LHFPL3: variants seen among roughly 807,000 people sequenced by gnomAD.
LHFPL3 encodes LHFPL tetraspan subfamily member 3.
In LHFPL3, 5 loss-of-function variants were observed where a neutral mutation model predicts 19.3. The ratio of observed to expected loss-of-function variants is 0.26; its 90% confidence interval spans 0.14 to 0.54. LHFPL3 has a LOEUF of 0.54. Ranked by LOEUF, LHFPL3 falls within the 20% of genes least tolerant of loss-of-function variation. The probability of loss-of-function intolerance (pLI) is 0.94; values close to 1 mark genes in which losing one functional copy is unlikely to be tolerated. For missense variants in LHFPL3, 249 were observed against 307.4 expected (o/e 0.81, Z 1.42); for synonymous variants, 133 against 126.2 (o/e 1.05, Z -0.36).
chr7:104,902,898 T>TG (rs2116733119), intron 2 of LHFPL3, among the ~76,000 whole-genome samples: 1 of 152,322 alleles, frequency 6.6e-6, no homozygotes, highest in African/African-American at 2.4e-5. Context: ...TGTTGATGAA[T>TG]GACCTGTTAG....
intron 1 of LHFPL3, among the ~76,000 whole-genome samples, chr7:104,477,148 C>G (rs1391620088): frequency 6.6e-6 from 1 of 152,192 alleles, no homozygotes; most frequent in South Asian, 2.1e-4. Context: ...TGCCACCATG[C>G]CCAGCTATAT....
At chr7:104,548,208 C>T (rs1794606039) in intron 1 of LHFPL3, among the ~76,000 whole-genome samples, 1 of 152,074 alleles carries the variant, frequency 6.6e-6, no homozygotes, top group African/African-American at 2.4e-5. Flanking sequence ...ATGCAGTTTT[C>T]CTCTCTGTCT....
At chr7:104,458,935 T>C (rs1003404565) in intron 1 of LHFPL3, among the ~76,000 whole-genome samples, 8 of 152,176 alleles carry the variant, frequency 5.3e-5, no homozygotes, top group African/African-American at 1.4e-4. Flanking sequence ...GCAATAGTGG[T>C]AACAGCACTG....
At chr7:104,788,369 C>G (rs2116440484) in intron 2 of LHFPL3, among the ~76,000 whole-genome samples, 1 of 152,348 alleles carries the variant, frequency 6.6e-6, no homozygotes, top group Middle Eastern at 3.4e-3. Context: ...GCGACAGCCT[C>G]TCAGACTGAC....
At chr7:104,418,224 T>G (rs544027533) in intron 1 of LHFPL3, among the ~76,000 whole-genome samples, 1 of 152,232 alleles carries the variant, frequency 6.6e-6, no homozygotes, top group Non-Finnish European at 1.5e-5. Flanking sequence ...AAATCAAAAC[T>G]TTATTTACTC....
intron 2 of LHFPL3, among the ~76,000 whole-genome samples, chr7:104,858,766 C>G (rs1791557641): frequency 6.6e-6 from 1 of 152,128 alleles, no homozygotes; most frequent in African/African-American, 2.4e-5. Flanking sequence ...TAATCCCCTC[C>G]CCTTGGGTCC....
rs79034378 is a variant in LHFPL3, at chr7:104,828,040, C to T, written c.683-78147C>T. Among the ~76,000 whole-genome samples, 1,172 of 152,068 alleles carry T rather than the reference C, an allele frequency of 7.7e-3. 31 individuals carry two copies. The highest frequency in any genetic ancestry group is 0.027 in the African/African-American group (1,113 of 41,318). ...TTCTTCTGTGGACTAGACCCCTCTT[C>T]GGCTCTGGCTGTCATAATGATAACA... On this transcript the variant is annotated intron_variant, in intron 2 of 2. Coordinates refer to ENST00000424859, the MANE Select transcript of LHFPL3 (RefSeq NM_199000.3).
At chr7:104,824,824 T>A in intron 2 of LHFPL3, among the ~76,000 whole-genome samples, 1 of 127,162 alleles carries the variant, frequency 7.9e-6, no homozygotes, top group African/African-American at 3.1e-5. Flanking sequence ...AATGATATAT[T>A]ATATAATTAT....
intron 1 of LHFPL3, among the ~76,000 whole-genome samples, chr7:104,398,501 GA>G (rs1389936621): frequency 6.6e-6 from 1 of 152,194 alleles, no homozygotes; most frequent in Non-Finnish European, 1.5e-5. Flanking sequence ...GGGCATCTGA[GA>G]AACTGTTCCA....
chr7:104,805,139 G>A (rs952714253), intron 2 of LHFPL3, among the ~76,000 whole-genome samples: 2 of 152,168 alleles, frequency 1.3e-5, no homozygotes, highest in South Asian at 2.1e-4. Context: ...TCACTTCTCC[G>A]TGTGCTGACT....
intron 2 of LHFPL3, among the ~76,000 whole-genome samples, chr7:104,742,054 T>G (rs1170580490): frequency 6.6e-6 from 1 of 152,216 alleles, no homozygotes; most frequent in Non-Finnish European, 1.5e-5. Context: ...TTGCATATTT[T>G]AACACACTGA....
chr7:104,594,394 G>T (rs1171771771), intron 1 of LHFPL3, among the ~76,000 whole-genome samples: 1 of 152,176 alleles, frequency 6.6e-6, no homozygotes, highest in Non-Finnish European at 1.5e-5. Context: ...TAGGGTTTCT[G>T]CTGAGAGATC....
In LHFPL3 at chr7:104,645,059, G is replaced by T. The variant is rs554044599; in HGVS notation, c.446-91616G>T. ...ACATAACCAAGAGGCAGCCATTCAG[G>T]TTTTTCCATTGAATTTTATGCATGA... On this transcript the variant is annotated intron_variant, in intron 1 of 2. Coordinates refer to ENST00000424859, the MANE Select transcript of LHFPL3 (RefSeq NM_199000.3). Among the ~76,000 whole-genome samples, 10 of 152,250 alleles carry T rather than the reference G, an allele frequency of 6.6e-5. No homozygotes were observed. The East Asian group carries it at 1.9e-3, about 29-fold the overall frequency.
chr7:104,528,011 T>A (rs1365532819), intron 1 of LHFPL3, among the ~76,000 whole-genome samples: 1 of 152,174 alleles, frequency 6.6e-6, no homozygotes, highest in Non-Finnish European at 1.5e-5. Flanking sequence ...TCTATCTTCC[T>A]CCATCTCTTG....
intron 1 of LHFPL3, among the ~76,000 whole-genome samples, chr7:104,686,500 C>A (rs1166241140): frequency 6.6e-6 from 1 of 152,212 alleles, no homozygotes; most frequent in Non-Finnish European, 1.5e-5. Flanking sequence ...TCAGCACAAA[C>A]CTTCTGAAAC....
At chr7:104,640,638 A>G (rs1254182091) in intron 1 of LHFPL3, among the ~76,000 whole-genome samples, 1 of 152,154 alleles carries the variant, frequency 6.6e-6, no homozygotes, top group African/African-American at 2.4e-5. Context: ...TATATACCCA[A>G]TCCTTGCCAG....
chr7:104,724,427 C>T (rs769950856), intron 1 of LHFPL3, among the ~76,000 whole-genome samples: 1 of 152,124 alleles, frequency 6.6e-6, no homozygotes, highest in Non-Finnish European at 1.5e-5. Flanking sequence ...TATGCAATGG[C>T]CATCTAAAGT....
chr7:104,635,855 C>G (rs865821560), intron 1 of LHFPL3, among the ~76,000 whole-genome samples: 4 of 152,096 alleles, frequency 2.6e-5, no homozygotes, highest in Non-Finnish European at 5.9e-5. Flanking sequence ...CTAGAAGACT[C>G]TAAGAGGAAT....
chr7:104,584,307 G>T (rs977585612), intron 1 of LHFPL3, among the ~76,000 whole-genome samples: 2 of 151,916 alleles, frequency 1.3e-5, no homozygotes, highest in Non-Finnish European at 2.9e-5. Context: ...AGGGACTGTT[G>T]TGGGGTGGGG....
Sources: allele counts gnomAD v4.1 joint callset (sites outside exome capture counted in the v4.1 genomes callset), GRCh38; gene constraint gnomAD v4.1.1; transcripts MANE v1.5; gene names NCBI Gene and HGNC (gene_info 2026-07-23, HGNC 2026-07-21).